Variants in ARHGEF26 observed in about 807,000 individuals in gnomAD.
The protein encoded by ARHGEF26 is Rho guanine nucleotide exchange factor 26.
In ARHGEF26, 59 loss-of-function variants were observed where a neutral mutation model predicts 89.4. The ratio of observed to expected loss-of-function variants is 0.66; its 90% CI spans 0.54 to 0.82. The LOEUF is 0.82. Ranked by LOEUF, ARHGEF26 falls within the 40% of genes least tolerant of loss-of-function variation. The pLI, the probability that ARHGEF26 is intolerant of heterozygous loss-of-function variation, is 0.00. For synonymous variants in ARHGEF26, 500 were observed against 428.4 expected (o/e 1.17, Z -2.06); for missense variants, 1,234 against 1,085.6 (o/e 1.14, Z -1.92).
intron 5 of ARHGEF26, among the ~76,000 whole-genome samples, chr3:154,151,802 C>A (rs1720038986): frequency 6.6e-6 from 1 of 152,148 alleles, no homozygotes; most frequent in Non-Finnish European, 1.5e-5. Context: ...TTTCCTGCTC[C>A]CACCCAGCCA....
chr3:154,243,078 CT>C (rs935898721), intron 12 of ARHGEF26, among the ~76,000 whole-genome samples: 4 of 152,126 alleles, frequency 2.6e-5, no homozygotes, highest in African/African-American at 9.7e-5. Flanking sequence ...TGGTTTAAAC[CT>C]CTTGGCCAGT....
At chr3:154,238,545 C>T (rs1717261208) in intron 11 of ARHGEF26, among the ~76,000 whole-genome samples, 1 of 152,136 alleles carries the variant, frequency 6.6e-6, no homozygotes, top group Non-Finnish European at 1.5e-5. Flanking sequence ...AAATCTTGAG[C>T]AAAGTGGCCT....
chr3:154,251,479 C>T (rs1014893412), intron 12 of ARHGEF26, among the ~76,000 whole-genome samples: 3 of 152,154 alleles, frequency 2.0e-5, no homozygotes, highest in Admixed American at 6.5e-5. Context: ...ATATACTGAG[C>T]CCCTGTTACG....
rs1339930680 is a variant in ARHGEF26 at position 154,256,975 on chromosome 3, T to C, written c.*1502T>C. ...ACTGGCAGCTATATTCCCTCTCTGTTCTATTTGCTTTAACAAAGGGATAAA... is the reference window on the plus strand; with the variant it reads ...ACTGGCAGCTATATTCCCTCTCTGTCCTATTTGCTTTAACAAAGGGATAAA... On this transcript the variant is annotated 3_prime_UTR_variant, in exon 15 of 15. Transcript: ENST00000465093. The C allele has an allele frequency of 6.6e-7, 1 of 1,525,004 alleles. No homozygotes were observed. The highest frequency in any genetic ancestry group is 1.4e-5 in the African/African-American group (1 of 72,316). The allele number at this position is 1,525,004 out of a possible 1,614,324, so 94.5% of individuals were successfully genotyped here.
chr3:154,191,563 A>C (rs1713961422), intron 8 of ARHGEF26, 145 bp downstream of exon 8: 11 of 1,012,432 alleles, frequency 1.1e-5, no homozygotes, highest in Non-Finnish European at 1.5e-5. Context: ...TTGTTTGTTC[A>C]GAAAGTCTCA....
At chr3:154,223,078 T>C (rs1459640177) in intron 10 of ARHGEF26, among the ~76,000 whole-genome samples, 1 of 152,182 alleles carries the variant, frequency 6.6e-6, no homozygotes, top group Non-Finnish European at 1.5e-5. Context: ...GGGAAGAATT[T>C]TGTTTTTTTG....
At chr3:154,219,905 C>T (rs1459585249) in intron 10 of ARHGEF26, among the ~76,000 whole-genome samples, 1 of 128,060 alleles carries the variant, frequency 7.8e-6, no homozygotes, top group Non-Finnish European at 1.6e-5. Context: ...CAGAGCGAGA[C>T]TCCGTCTCAA....
At chr3:154,173,697 G>A (rs1483478751) in intron 6 of ARHGEF26, among the ~76,000 whole-genome samples, 1 of 152,090 alleles carries the variant, frequency 6.6e-6, no homozygotes, top group Non-Finnish European at 1.5e-5. Context: ...AACTATTTTT[G>A]CAATCTATTG....
intron 6 of ARHGEF26, among the ~76,000 whole-genome samples, chr3:154,167,246 G>A (rs1478283465): frequency 6.6e-6 from 1 of 152,188 alleles, no homozygotes; most frequent in Non-Finnish European, 1.5e-5. Context: ...ACCAGGCACT[G>A]TGCTAGGCAT....
chr3:154,254,655 A>G, intron 13 of ARHGEF26, 65 bp from the exon 14 acceptor site: 2 of 1,246,148 alleles, frequency 1.6e-6, no homozygotes, highest in Non-Finnish European at 2.3e-6. Flanking sequence ...GTAAGTGTAC[A>G]TTATTGGATT....
At chr3:154,140,982 G>C (rs900154087) in intron 4 of ARHGEF26, among the ~76,000 whole-genome samples, 2 of 145,228 alleles carry the variant, frequency 1.4e-5, no homozygotes, top group Non-Finnish European at 3.0e-5. Context: ...TTTTTTTTGA[G>C]ATGGAGTCTT....
intron 6 of ARHGEF26, among the ~76,000 whole-genome samples, chr3:154,166,279 T>A (rs895354160): frequency 2.0e-5 from 3 of 152,172 alleles, no homozygotes; most frequent in Non-Finnish European, 4.4e-5. Flanking sequence ...CTCGATCTCC[T>A]GACCTCATGA....
intron 9 of ARHGEF26, among the ~76,000 whole-genome samples, chr3:154,204,634 C>G (rs1443558611): frequency 6.6e-6 from 1 of 151,978 alleles, no homozygotes; most frequent in Non-Finnish European, 1.5e-5. Flanking sequence ...CCAGCCTTTT[C>G]CTCTTTTTTG....
chr3:154,212,341 C>CA (rs59256396), intron 9 of ARHGEF26, among the ~76,000 whole-genome samples: 68 of 138,186 alleles, frequency 4.9e-4, no homozygotes, highest in African/African-American at 1.3e-3. Flanking sequence ...GACCCTGTCT[C>CA]AAAAAAAAAA....
intron 12 of ARHGEF26, among the ~76,000 whole-genome samples, chr3:154,246,573 C>T (rs1717811837): frequency 6.6e-6 from 1 of 152,172 alleles, no homozygotes; most frequent in South Asian, 2.1e-4. Context: ...GACTGGTTCT[C>T]TACCAGAGAT....
At chr3:154,240,235 A>C in intron 11 of ARHGEF26, 135 bp from the exon 12 acceptor site, 1 of 624,810 alleles carries the variant, frequency 1.6e-6, no homozygotes, top group South Asian at 2.1e-5. Context: ...TCCAATTCAT[A>C]GTTTAAAATA....
chr3:154,193,842 G>GTTTTTTTTTTTTTTTTTTTTTTTTTTTT (rs149514592), intron 8 of ARHGEF26, among the ~76,000 whole-genome samples: 1 of 149,922 alleles, frequency 6.7e-6, no homozygotes, highest in African/African-American at 2.5e-5. Context: ...GTTTTTTTGG[G>GTTTTTTTTTTTTTTTTTTTTTTTTTTTT]TTTTTTTTTG....
intron 4 of ARHGEF26, among the ~76,000 whole-genome samples, chr3:154,130,144 G>C (rs1440427978): frequency 2.4e-5 from 1 of 41,756 alleles, no homozygotes; most frequent in East Asian, 1.3e-3. Flanking sequence ...TTCTTCCTTG[G>C]AAATTTTTTT....
At chr3:154,145,559 CTT>C (rs1034312485) in intron 4 of ARHGEF26, among the ~76,000 whole-genome samples, 1 of 152,086 alleles carries the variant, frequency 6.6e-6, no homozygotes, top group East Asian at 1.9e-4. Flanking sequence ...ATTTTTGAGT[CTT>C]TTTGGTTTGT....
Sources: allele counts gnomAD v4.1 joint callset (sites outside exome capture counted in the v4.1 genomes callset), GRCh38; gene constraint gnomAD v4.1.1; transcripts MANE v1.5; gene names NCBI Gene and HGNC (gene_info 2026-07-23, HGNC 2026-07-21).